Variants in SOX6 observed in about 807,000 individuals in gnomAD.
SOX6 encodes the protein transcription factor SOX-6.
SOX6 carries 11 observed loss-of-function variants against 97.8 expected under a neutral mutation model. That is an observed-to-expected ratio of 0.11 (90% CI 0.07 to 0.19). The LOEUF (loss-of-function observed/expected upper bound fraction) is 0.19, where lower values mean the gene tolerates loss of function less well. SOX6 is among the 10% of genes least tolerant of loss of function. The pLI is 1.00. For synonymous variants in SOX6, 360 were observed against 371.4 expected, an observed-to-expected ratio of 0.97 and a Z score of 0.35; for missense variants, 810 against 1,039.5, an observed-to-expected ratio of 0.78 and a Z score of 3.04.
chr11:16,349,546 G>T (rs936422797), intron 1 of SOX6, among the ~76,000 whole-genome samples: 2 of 152,002 alleles, frequency 1.3e-5, no homozygotes, highest in African/African-American at 4.8e-5. Context: ...AACCTGGGAG[G>T]TGGAGGTTGC....
chr11:16,061,055 T>C (rs1847937128), intron 9 of SOX6, among the ~76,000 whole-genome samples: 1 of 151,902 alleles, frequency 6.6e-6, no homozygotes, highest in African/African-American at 2.4e-5. Context: ...GGTACATCAT[T>C]ATATTTATTA....
At chr11:16,728,055 AG>A (rs2134058102) in intron 2 of SOX6, among the ~76,000 whole-genome samples, 1 of 152,292 alleles carries the variant, frequency 6.6e-6, no homozygotes, top group East Asian at 1.9e-4. Context: ...CACTCTGGGC[AG>A]GGCATTTCTA....
chr11:16,705,277 A>C (rs1161684889), intron 3 of SOX6, among the ~76,000 whole-genome samples: 1 of 151,628 alleles, frequency 6.6e-6, no homozygotes, highest in Non-Finnish European at 1.5e-5. Flanking sequence ...AAAAAAAAAG[A>C]AAGAAACTAG....
intron 3 of SOX6, among the ~76,000 whole-genome samples, chr11:16,281,284 A>G (rs547692863): frequency 2.0e-5 from 3 of 152,168 alleles, no homozygotes; most frequent in African/African-American, 7.2e-5. Flanking sequence ...GTGTATGGTC[A>G]TTGCTACCCT....
intron 6 of SOX6, among the ~76,000 whole-genome samples, chr11:16,149,570 G>A (rs1262269625): frequency 6.6e-6 from 1 of 152,066 alleles, no homozygotes; most frequent in Admixed American, 6.6e-5. Context: ...TTCCCGTCCA[G>A]CAACCACAGA....
At chr11:16,129,272 A>G (rs1239036901) in intron 6 of SOX6, among the ~76,000 whole-genome samples, 1 of 152,188 alleles carries the variant, frequency 6.6e-6, no homozygotes, top group African/African-American at 2.4e-5. Context: ...TACATCATGT[A>G]AAGAGGATGA....
At chr11:16,007,618 A>T (rs1024864886) in intron 13 of SOX6, among the ~76,000 whole-genome samples, 1 of 152,156 alleles carries the variant, frequency 6.6e-6, no homozygotes, top group African/African-American at 2.4e-5. Flanking sequence ...AAGCACATTC[A>T]TAACTAGCTT....
intron 4 of SOX6, among the ~76,000 whole-genome samples, chr11:16,501,099 T>A (rs934290394): frequency 1.3e-5 from 2 of 152,154 alleles, no homozygotes; most frequent in African/African-American, 4.8e-5. Context: ...ATGGTACTGG[T>A]ACCAAAACAG....
chr11:16,285,407 G>A (rs566616742), intron 3 of SOX6, among the ~76,000 whole-genome samples: 30 of 152,158 alleles, frequency 2.0e-4, no homozygotes, highest in South Asian at 1.7e-3. Context: ...GGTGGCACAC[G>A]CCTGTAATCC....
intron 13 of SOX6, among the ~76,000 whole-genome samples, chr11:15,992,810 C>T (rs745534838): frequency 5.9e-5 from 9 of 152,172 alleles, no homozygotes; most frequent in Non-Finnish European, 1.2e-4. Context: ...ACTGAAGCAT[C>T]CATATGAGTA....
chr11:16,582,905 A>G lies in SOX6; in HGVS notation n.609+29176T>C, dbSNP rs147752782. 3.6e-3 allele frequency among the ~76,000 whole-genome samples: 543 copies of G among 152,222 alleles called. 4 individuals are homozygous for G. Among genetic ancestry groups the G allele is most frequent in the African/African-American group, 0.011 (472 of 41,564 alleles). On this transcript the variant is annotated intron_variant and non_coding_transcript_variant, in intron 4 of 5. Transcript: ENST00000524520. ...ATTCCTATGCTCTCCAAATTATTCC[A>G]GAGCATAGACAAAAATGGGAGCTTG...
At chr11:16,579,677 C>T (rs1848013687) in intron 4 of SOX6, among the ~76,000 whole-genome samples, 1 of 152,028 alleles carries the variant, frequency 6.6e-6, no homozygotes, top group Non-Finnish European at 1.5e-5. Flanking sequence ...AAGTATACCA[C>T]AATTAATGTA....
intron 6 of SOX6, among the ~76,000 whole-genome samples, chr11:16,176,232 A>G (rs1460944315): frequency 6.6e-6 from 1 of 151,878 alleles, no homozygotes; most frequent in East Asian, 1.9e-4. Flanking sequence ...ATTACCCACT[A>G]GAATCATCTA....
chr11:16,683,362 G>T (rs1298452205), intron 3 of SOX6, among the ~76,000 whole-genome samples: 2 of 152,168 alleles, frequency 1.3e-5, no homozygotes, highest in Non-Finnish European at 2.9e-5. Context: ...AACCAAAACA[G>T]CATGGTACTG....
intron 3 of SOX6, among the ~76,000 whole-genome samples, chr11:16,649,439 A>G (rs1462423245): frequency 6.6e-6 from 1 of 152,198 alleles, no homozygotes; most frequent in Non-Finnish European, 1.5e-5. Flanking sequence ...AAACCTTACA[A>G]AGCCAGAAAG....
At chr11:16,014,540 T>C (rs1854824858) in intron 13 of SOX6, among the ~76,000 whole-genome samples, 2 of 152,232 alleles carry the variant, frequency 1.3e-5, no homozygotes, top group South Asian at 2.1e-4. Flanking sequence ...CACAAATATA[T>C]ACAATTATTA....
At chr11:16,451,189 A>G (rs1859709131) in intron 1 of SOX6, among the ~76,000 whole-genome samples, 1 of 152,138 alleles carries the variant, frequency 6.6e-6, no homozygotes, top group African/African-American at 2.4e-5. Context: ...CCGAGATCAC[A>G]CCATTGCACT....
intron 1 of SOX6, among the ~76,000 whole-genome samples, chr11:16,434,886 C>T (rs1401063017): frequency 6.6e-6 from 1 of 152,068 alleles, no homozygotes; most frequent in Non-Finnish European, 1.5e-5. Flanking sequence ...TTGCCTTGGT[C>T]CTTTTTAATG....
At chr11:16,428,704 T>A (rs984496142) in intron 1 of SOX6, among the ~76,000 whole-genome samples, 19 of 152,266 alleles carry the variant, frequency 1.2e-4, no homozygotes, top group South Asian at 1.2e-3. Flanking sequence ...TTGGTACCAG[T>A]ACCATGCTGT....
Sources: allele counts gnomAD v4.1 joint callset (sites outside exome capture counted in the v4.1 genomes callset), GRCh38; gene constraint gnomAD v4.1.1; transcripts MANE v1.5; gene names NCBI Gene and HGNC (gene_info 2026-07-23, HGNC 2026-07-21).